Variants in VPS50 observed in about 807,000 individuals in gnomAD.
The protein encoded by VPS50 is syndetin.
Under a neutral mutation model 139.7 loss-of-function variants are expected in VPS50, and 70 were observed. The ratio of observed to expected loss-of-function variants is 0.50; its 90% confidence interval spans 0.41 to 0.61. VPS50 has a LOEUF of 0.61. Among genes scored for constraint, VPS50 ranks in the 20% least tolerant of loss-of-function variants. The probability of loss-of-function intolerance (pLI) is 0.00; values close to 1 mark genes in which losing one functional copy is unlikely to be tolerated. For missense variants in VPS50, 921 were observed against 1,133.7 expected (o/e 0.81, Z 2.69); for synonymous variants, 365 against 376.7 (o/e 0.97, Z 0.36).
chr7:93,276,939 A>G (rs974321127), intron 12 of VPS50, among the ~76,000 whole-genome samples: 1 of 152,196 alleles, frequency 6.6e-6, no homozygotes, highest in Non-Finnish European at 1.5e-5. Flanking sequence ...TTTGGTATCT[A>G]TTAAACATTC....
intron 20 of VPS50, among the ~76,000 whole-genome samples, chr7:93,316,351 C>A (rs1263217390): frequency 1.3e-5 from 2 of 151,998 alleles, no homozygotes; most frequent in Non-Finnish European, 2.9e-5. Flanking sequence ...AGGGGAGAGA[C>A]CCCAGCAGAT....
At position 93,297,164 on chromosome 7, in the gene VPS50, G is replaced by C. The variant is rs1272521039; in HGVS notation, c.1282G>C (p.Glu428Gln). The stretch of plus-strand genomic sequence containing the variant: ...AACTAGGTTGATGCAAGTTGGAGAA[G>C]AATTTTGTGGTAGCAAGTCTGAAGT... ...IISRLMQVGEEFCGSKSEVLQ... is the reference protein window; with the variant it reads ...IISRLMQVGEQFCGSKSEVLQ... Residue 428 changes from glutamate (E) to glutamine (Q), a missense_variant, in exon 16 of 28, where the codon GAA (glutamate) becomes CAA (glutamine). Physicochemically the swap from Glu to Gln is conservative, Grantham distance 29 (BLOSUM62 2). Coordinates refer to ENST00000305866, the MANE Select transcript of VPS50 (RefSeq NM_017667.4). 6.4e-7 allele frequency: 1 copy of C among 1,562,128 alleles called. No homozygotes were observed. The highest frequency in any genetic ancestry group is 8.6e-7 in the Non-Finnish European group (1 of 1,163,830).
At chr7:93,267,018 T>C (rs1420104407) in intron 9 of VPS50, among the ~76,000 whole-genome samples, 1 of 152,188 alleles carries the variant, frequency 6.6e-6, no homozygotes, top group African/African-American at 2.4e-5. Context: ...GGATATAGAA[T>C]TACTTACCTT....
chr7:93,284,116 A>G (rs1796410905), intron 12 of VPS50, among the ~76,000 whole-genome samples: 1 of 152,092 alleles, frequency 6.6e-6, no homozygotes, highest in Non-Finnish European at 1.5e-5. Context: ...TGGATTGGAG[A>G]TAAAAAAGAG....
At chr7:93,260,671 A>G (rs548377922) in intron 9 of VPS50, among the ~76,000 whole-genome samples, 67 of 149,066 alleles carry the variant, frequency 4.5e-4, no homozygotes, top group African/African-American at 1.6e-3. Context: ...TTGAAGTTAC[A>G]TGTTTTTTTG....
At chr7:93,260,812 C>T (rs1266439785) in intron 9 of VPS50, among the ~76,000 whole-genome samples, 1 of 152,168 alleles carries the variant, frequency 6.6e-6, no homozygotes, top group Non-Finnish European at 1.5e-5. Context: ...TCTCCTGCCT[C>T]ATTCTCCAGA....
intron 16 of VPS50, among the ~76,000 whole-genome samples, chr7:93,302,486 C>T (rs1054945096): frequency 1.3e-5 from 2 of 151,574 alleles, no homozygotes; most frequent in African/African-American, 4.8e-5. Context: ...GTATATTTTT[C>T]AGTTCTCAAA....
rs559709304 is a variant in VPS50 at position 93,318,217 on chromosome 7, G to C, written c.1856-5394G>C. Among the ~76,000 whole-genome samples the C allele has an allele frequency of 1.7e-4, 26 of 152,044 alleles. 1 individual carries two copies. In the South Asian group the frequency reaches 3.5e-3, roughly 21 times the overall value. Reference sequence around the variant, plus strand: ...GAGTTGCTAGCTTTATGTACAGCCTGATCTTTTGAGAGGATAATCCCAAAA... The same window carrying C: ...GAGTTGCTAGCTTTATGTACAGCCTCATCTTTTGAGAGGATAATCCCAAAA... On this transcript the variant is annotated intron_variant, in intron 20 of 27. Coordinates refer to ENST00000305866, the MANE Select transcript of VPS50 (RefSeq NM_017667.4).
intron 17 of VPS50, 32 bp downstream of exon 17, chr7:93,303,582 C>G (rs1797039129): frequency 1.0e-6 from 1 of 963,252 alleles, no homozygotes; most frequent in African/African-American, 1.6e-5. Flanking sequence ...AGAAATCTGT[C>G]TTTTAGTAAT....
chr7:93,249,125 C>A (rs769076948), intron 2 of VPS50, among the ~76,000 whole-genome samples: 3 of 152,044 alleles, frequency 2.0e-5, no homozygotes, highest in Non-Finnish European at 4.4e-5. Context: ...CTCTGTGATA[C>A]TAATTGCTTA....
chr7:93,313,136 A>T (rs984374880), intron 20 of VPS50, among the ~76,000 whole-genome samples: 1 of 152,212 alleles, frequency 6.6e-6, no homozygotes, highest in Non-Finnish European at 1.5e-5. Flanking sequence ...GAGCAAAAGC[A>T]AACTATGTTA....
At position 93,343,710 on chromosome 7, in the gene VPS50, T is replaced by G. The variant is rs550961819; in HGVS notation, c.2207+2135T>G. On this transcript the variant is annotated intron_variant, in intron 23 of 27. Coordinates refer to ENST00000305866, the MANE Select transcript of VPS50 (RefSeq NM_017667.4). ...TCTTAAAAGAATTTCCAACCCAGAA[T>G]TTCATATCCAGCCAAACTAAGCTTC... 7.9e-4 allele frequency among the ~76,000 whole-genome samples: 121 copies of G among 152,288 alleles called. 2 individuals carry two copies. In the East Asian group the frequency reaches 0.022, roughly 27 times the overall value.
In VPS50 at chr7:93,279,667, CAT is replaced by C. The variant is rs1233492001; in HGVS notation, c.942+3363_942+3364del. On this transcript the variant is annotated intron_variant, in intron 12 of 27. Transcript: ENST00000305866. ...GCAAGAAGCAGGAGAGTCCTCAAAA[CAT>C]GTGCAGGGTGTTGACTGACATGAAA... Among the ~76,000 whole-genome samples, 10 of 152,160 alleles carry C rather than the reference CAT, an allele frequency of 6.6e-5. No individual in the cohort carries two copies. In the South Asian group the frequency reaches 1.9e-3, roughly 28 times the overall value.
chr7:93,310,805 G>C (rs1797246119), intron 19 of VPS50, among the ~76,000 whole-genome samples: 1 of 151,724 alleles, frequency 6.6e-6, no homozygotes, highest in Admixed American at 6.6e-5. Flanking sequence ...TCAATATTCT[G>C]TACTTAATTC....
Position 93,286,279 on chromosome 7 carries a change from T to C in VPS50, c.943-5424T>C, listed in dbSNP as rs376551180. Among the ~76,000 whole-genome samples the C allele has an allele frequency of 1.6e-4, 24 of 152,326 alleles. No homozygotes were observed. In the East Asian group the frequency reaches 4.0e-3, roughly 26 times the overall value. On this transcript the variant is annotated intron_variant, in intron 12 of 27. Coordinates refer to ENST00000305866, the MANE Select transcript of VPS50 (RefSeq NM_017667.4). ...TTGTAAATTGATTCAATCAATACTT[T>C]CATTGCTATTTTCCATATGTGATGT...
intron 12 of VPS50, among the ~76,000 whole-genome samples, chr7:93,280,899 A>G (rs568682302): frequency 6.6e-6 from 1 of 151,408 alleles, no homozygotes; most frequent in East Asian, 1.9e-4. Context: ...CTCTCTCTGT[A>G]TATATATATA....
chr7:93,355,121 A>ATTTT lies in VPS50; in HGVS notation c.2586-770_2586-769insTTTT, dbSNP rs762305199. Reference sequence around the variant, plus strand: ...CTTCTGTATAAAATACTCTTTTTTAAAAAAAAAAAAAAAAGCTTGGTCATT... The same window carrying ATTTT: ...CTTCTGTATAAAATACTCTTTTTTAATTTTAAAAAAAAAAAAAAGCTTGGTCATT... On this transcript the variant is annotated intron_variant, in intron 26 of 27. Transcript: ENST00000305866. Among the ~76,000 whole-genome samples the ATTTT allele has an allele frequency of 2.0e-4, 25 of 128,064 alleles. 1 individual carries two copies. Among genetic ancestry groups the ATTTT allele is most frequent in the East Asian group, 1.1e-3 (3 of 2,674 alleles). 84.0% of individuals were successfully genotyped at this position (128,064 alleles called of 152,430 possible).
chr7:93,301,899 A>G (rs898517409), intron 16 of VPS50, among the ~76,000 whole-genome samples: 17 of 152,130 alleles, frequency 1.1e-4, no homozygotes, highest in East Asian at 3.8e-4. Flanking sequence ...GAGGGTTCCA[A>G]TTTCTCCAAA....
At chr7:93,288,799 T>G (rs555868006) in intron 12 of VPS50, among the ~76,000 whole-genome samples, 1 of 152,224 alleles carries the variant, frequency 6.6e-6, no homozygotes, top group South Asian at 2.1e-4. Flanking sequence ...GGGAAGGGGT[T>G]GAGCAGGGGC....
Sources: allele counts gnomAD v4.1 joint callset (sites outside exome capture counted in the v4.1 genomes callset), GRCh38; gene constraint gnomAD v4.1.1; transcripts MANE v1.5; gene names NCBI Gene and HGNC (gene_info 2026-07-23, HGNC 2026-07-21).